Variants in AAK1 observed in about 807,000 individuals in gnomAD.
AAK1 encodes AP2 associated kinase 1.
In AAK1, 37 loss-of-function variants were observed where a neutral mutation model predicts 116.0. The observed-to-expected ratio is 0.32, with a 90% confidence interval of 0.25 to 0.42. AAK1 has a LOEUF of 0.42. AAK1 is among the 10% of genes least tolerant of loss of function. AAK1 has a pLI of 1.00. For missense variants in AAK1, 919 were observed against 1,170.6 expected (o/e 0.79, Z 3.14); for synonymous variants, 458 against 439.9 (o/e 1.04, Z -0.51).
intron 16 of AAK1, among the ~76,000 whole-genome samples, chr2:69,499,702 T>A (rs12474819): frequency 0.32 from 49,236 of 152,030 alleles, 9,535 homozygotes; most frequent in East Asian, 0.52. Context: ...TGCTTTTAAG[T>A]CCTTGAAATA....
In AAK1 at chr2:69,542,566, C is replaced by A; in HGVS notation, c.491G>T (p.Arg164Leu). Residue 164 changes from arginine to leucine, a missense_variant, in exon 5 of 22, where the codon CGC becomes CTC. Around this residue, in one of 4 missense-constraint regions of AAK1, gnomAD observed 317 missense variants for 490.4 expected, o/e 0.65. Transcript: ENST00000409085. ...AATAGGAGTTTTGCACTGATGCAGG[C>A]GGGCAACAGCTTCACAGGTATCACA... ...IFCDTCEAVA[R>L]LHQCKTPIIH... The A allele has an allele frequency of 1.9e-6, 3 of 1,613,982 alleles. No homozygotes were observed. Among genetic ancestry groups the A allele is most frequent in the Non-Finnish European group, 2.5e-6 (3 of 1,179,914 alleles).
intron 3 of AAK1, among the ~76,000 whole-genome samples, chr2:69,551,016 C>A (rs1671159572): frequency 6.6e-6 from 1 of 151,800 alleles, no homozygotes; most frequent in South Asian, 2.1e-4. Context: ...TAGTGAACCA[C>A]ATTTATTGTT....
At chr2:69,643,382 G>T in intron 1 of AAK1, 108 bp from the exon 2 acceptor site, 1 of 1,181,582 alleles carries the variant, frequency 8.5e-7, no homozygotes, top group Non-Finnish European at 1.1e-6. Context: ...AACGCTTCAT[G>T]TATTTTCCCG....
chr2:69,643,130 T>G lies in AAK1; in HGVS notation c.-90A>C, dbSNP rs1469774016. On this transcript the variant is annotated 5_prime_UTR_variant, in exon 2 of 22. Transcript: ENST00000409085. ...TTTTTAAGAAAAGAGATCCAAGGAT[T>G]TCTTCTCAGATTTCACCTCGGAGAG... 19 of 1,436,472 alleles carry G rather than the reference T, an allele frequency of 1.3e-5. No individual in the cohort carries two copies. Among genetic ancestry groups the G allele is most frequent in the Non-Finnish European group, 1.6e-5 (18 of 1,105,794 alleles). 89.0% of individuals were successfully genotyped at this position (1,436,472 alleles called of 1,614,324 possible). A position where few individuals can be genotyped will look rare whatever the true frequency, so the allele number is the denominator to read the frequency against.
At chr2:69,515,632 ACTT>A (rs1362660479) in intron 12 of AAK1, among the ~76,000 whole-genome samples, 4 of 152,070 alleles carry the variant, frequency 2.6e-5, no homozygotes, top group East Asian at 1.9e-4. Flanking sequence ...TCTGGCCCAC[ACTT>A]CTTATATGTC....
chr2:69,483,132 T>A (rs1305492276), intron 17 of AAK1, among the ~76,000 whole-genome samples: 14 of 152,174 alleles, frequency 9.2e-5, no homozygotes, highest in Non-Finnish European at 4.4e-5. Flanking sequence ...GTGGTTAGTC[T>A]GGACAAATGT....
intron 13 of AAK1, among the ~76,000 whole-genome samples, chr2:69,513,149 C>A (rs1249995986): frequency 1.3e-5 from 2 of 152,112 alleles, no homozygotes; most frequent in Non-Finnish European, 2.9e-5. Flanking sequence ...CTACTCCATG[C>A]CTGCAGGAAG....
At chr2:69,599,772 G>A (rs1673476973) in intron 2 of AAK1, among the ~76,000 whole-genome samples, 1 of 151,788 alleles carries the variant, frequency 6.6e-6, no homozygotes, top group South Asian at 2.1e-4. Context: ...TGCAATGTGT[G>A]TGTGTGTTTG....
At chr2:69,598,882 C>T in intron 2 of AAK1, 1 of 294,212 alleles carries the variant, frequency 3.4e-6, no homozygotes. Flanking sequence ...TGATTGCAGC[C>T]CATGGCTTTT....
In AAK1 at chr2:69,490,923, C is replaced by CCACACACACACACACA. The variant is rs58662760; in HGVS notation, c.2365+5046_2365+5061dup. Reference sequence around the variant, plus strand: ...CTAAAATATATCTATGTGTGTGTACCCACACACACACACACACACACACTT... The same window carrying CCACACACACACACACA: ...CTAAAATATATCTATGTGTGTGTACCCACACACACACACACACACACACACACACACACACACACTT... On this transcript the variant is annotated intron_variant, in intron 17 of 21. Transcript: ENST00000409085. Among the ~76,000 whole-genome samples, 306 of 147,724 alleles carry CCACACACACACACACA rather than the reference C, an allele frequency of 2.1e-3. 2 individuals are homozygous for CCACACACACACACACA. Among genetic ancestry groups the CCACACACACACACACA allele is most frequent in the African/African-American group, 7.1e-3 (286 of 40,050 alleles).
chr2:69,570,751 T>C (rs1307269452), intron 2 of AAK1, among the ~76,000 whole-genome samples: 1 of 152,246 alleles, frequency 6.6e-6, no homozygotes, highest in Non-Finnish European at 1.5e-5. Context: ...GTTGCTTCCC[T>C]ACTTATAATT....
At chr2:69,570,713 T>C (rs551578573) in intron 2 of AAK1, among the ~76,000 whole-genome samples, 3 of 152,328 alleles carry the variant, frequency 2.0e-5, no homozygotes, top group Admixed American at 1.3e-4. Flanking sequence ...TAATAGATGT[T>C]TGGCAAATTA....
At position 69,505,129 on chromosome 2, in the gene AAK1, A is replaced by C. The variant is rs568372107; in HGVS notation, c.2269+440T>G. ...CAACAGCGTGCGTGCGTGTGCGCACACACACCCACACACACACACACACAC... is the reference window on the plus strand; with the variant it reads ...CAACAGCGTGCGTGCGTGTGCGCACCCACACCCACACACACACACACACAC... On this transcript the variant is annotated intron_variant, in intron 16 of 21. Transcript: ENST00000409085. 4.1e-5 allele frequency among the ~76,000 whole-genome samples: 4 copies of C among 97,384 alleles called. No homozygotes were observed. The Admixed American group carries it at 5.1e-4, about 12-fold the overall frequency. The allele number at this position is 97,384 out of a possible 152,430, so 63.9% of individuals were successfully genotyped here.
chr2:69,470,867 C>T lies in AAK1; in HGVS notation c.*5002G>A, dbSNP rs1400511835. 1.0e-6 allele frequency: 1 copy of T among 985,792 alleles called. No individual in the cohort carries two copies. Among genetic ancestry groups the T allele is most frequent in the Non-Finnish European group, 1.2e-6 (1 of 829,914 alleles). 61.1% of individuals were successfully genotyped at this position (985,792 alleles called of 1,614,324 possible). Reference sequence around the variant, plus strand: ...TTTCTGCAAAAAAGTGGGTTTTCAGCTCAGGAAAAGAGCAACTTATTTTAA... The same window carrying T: ...TTTCTGCAAAAAAGTGGGTTTTCAGTTCAGGAAAAGAGCAACTTATTTTAA... On this transcript the variant is annotated 3_prime_UTR_variant, in exon 22 of 22. Coordinates refer to ENST00000409085, the MANE Select transcript of AAK1 (RefSeq NM_014911.5).
intron 11 of AAK1, chr2:69,520,055 G>A: frequency 1.8e-5 from 4 of 221,238 alleles, no homozygotes; most frequent in Admixed American, 1.6e-4. Flanking sequence ...TTGTAGGCTG[G>A]GAGGCAAATG....
intron 2 of AAK1, among the ~76,000 whole-genome samples, chr2:69,626,643 G>A (rs1051834921): frequency 7.3e-5 from 11 of 149,836 alleles, no homozygotes; most frequent in Admixed American, 5.3e-4. Context: ...GGGACTATAG[G>A]TGCATTCCAC....
chr2:69,480,852 T>C lies in AAK1; in HGVS notation c.2569+8A>G, dbSNP rs747911200. ...CAGTCCCTGCAGCTGCAGAGACACCTGACTGACCTGTGCGATTCGAGGTCA... is the reference window on the plus strand; with the variant it reads ...CAGTCCCTGCAGCTGCAGAGACACCCGACTGACCTGTGCGATTCGAGGTCA... On this transcript the variant is annotated splice_region_variant and intron_variant, in intron 19 of 21. Coordinates refer to ENST00000409085, the MANE Select transcript of AAK1 (RefSeq NM_014911.5). The C allele has an allele frequency of 5.1e-6, 8 of 1,583,690 alleles. No individual in the cohort carries two copies. The South Asian group carries it at 8.1e-5, about 16-fold the overall frequency.
chr2:69,514,863 G>GA, intron 12 of AAK1, 114 bp from the exon 13 acceptor site: 1 of 1,241,578 alleles, frequency 8.1e-7, no homozygotes, highest in South Asian at 1.6e-5. Flanking sequence ...AGGGCAAGTA[G>GA]AAAAGTCTTG....
At chr2:69,617,267 A>G (rs1197953083) in intron 2 of AAK1, among the ~76,000 whole-genome samples, 3 of 152,248 alleles carry the variant, frequency 2.0e-5, no homozygotes, top group Admixed American at 2.0e-4. Flanking sequence ...GAATTCAATT[A>G]TCTCTAACTT....
Sources: allele counts gnomAD v4.1 joint callset (sites outside exome capture counted in the v4.1 genomes callset), GRCh38; gene constraint gnomAD v4.1.1; regional missense constraint gnomAD v4.1.1; transcripts MANE v1.5; gene names NCBI Gene and HGNC (gene_info 2026-07-23, HGNC 2026-07-21).